B3GLCT: variants seen among roughly 807,000 people sequenced by gnomAD.
B3GLCT encodes beta-1,3-glucosyltransferase.
In B3GLCT, 65 loss-of-function variants were observed where a neutral mutation model predicts 63.4. The ratio of observed to expected loss-of-function variants is 1.03; its 90% CI spans 0.84 to 1.26. B3GLCT has a LOEUF of 1.26. Among genes scored for constraint, B3GLCT ranks in the 50% most tolerant of loss-of-function variants. B3GLCT has a pLI of 0.00. For synonymous variants in B3GLCT, 233 were observed against 219.2 expected (o/e 1.06, Z -0.55); for missense variants, 577 against 604.8 (o/e 0.95, Z 0.48).
At chr13:31,234,568 G>A (rs562938530) in intron 4 of B3GLCT, among the ~76,000 whole-genome samples, 1 of 152,276 alleles carries the variant, frequency 6.6e-6, no homozygotes, top group East Asian at 1.9e-4. Context: ...CCAGGTGAGA[G>A]GTGGAAGCAC....
At chr13:31,321,888 T>C (rs1245532044) in intron 13 of B3GLCT, among the ~76,000 whole-genome samples, 1 of 152,146 alleles carries the variant, frequency 6.6e-6, no homozygotes, top group Non-Finnish European at 1.5e-5. Context: ...AGGTGTTTGG[T>C]TATATGAATG....
chr13:31,215,464 A>C (rs146404553), intron 2 of B3GLCT, among the ~76,000 whole-genome samples: 21 of 152,172 alleles, frequency 1.4e-4, no homozygotes, highest in African/African-American at 4.3e-4. Context: ...CCCAGGCTGG[A>C]GTGCAGTGGC....
In B3GLCT at chr13:31,234,407, G is replaced by A. The variant is rs765460053; in HGVS notation, c.270+5113G>A. Reference sequence around the variant, plus strand: ...AGGGCCCCTACCATGGTGAAGTGGGGCAGGGGAGCTGAGGAGGGGATGTGA... The same window carrying A: ...AGGGCCCCTACCATGGTGAAGTGGGACAGGGGAGCTGAGGAGGGGATGTGA... On this transcript the variant is annotated intron_variant, in intron 4 of 14. Coordinates refer to ENST00000343307, the MANE Select transcript of B3GLCT (RefSeq NM_194318.4). Among the ~76,000 whole-genome samples, 6 of 152,194 alleles carry A rather than the reference G, an allele frequency of 3.9e-5. No individual in the cohort carries two copies. In the East Asian group the frequency reaches 9.6e-4, roughly 24 times the overall value.
At chr13:31,270,004 G>T (rs1167181107) in intron 8 of B3GLCT, among the ~76,000 whole-genome samples, 3 of 152,186 alleles carry the variant, frequency 2.0e-5, no homozygotes, top group Admixed American at 6.5e-5. Flanking sequence ...GTCTGTGCTT[G>T]GCTGTCTGGA....
intron 2 of B3GLCT, among the ~76,000 whole-genome samples, chr13:31,221,665 C>A (rs764685716): frequency 3.9e-5 from 6 of 152,196 alleles, no homozygotes; most frequent in Non-Finnish European, 7.3e-5. Context: ...CTCTCTTCCC[C>A]GAGTGTTGTC....
At chr13:31,274,165 G>C (rs1345105250) in intron 8 of B3GLCT, among the ~76,000 whole-genome samples, 1 of 152,176 alleles carries the variant, frequency 6.6e-6, no homozygotes, top group Non-Finnish European at 1.5e-5. Context: ...TTTGGGGTAT[G>C]TGATTACCAT....
chr13:31,309,111 G>A (rs1405072516), intron 12 of B3GLCT, among the ~76,000 whole-genome samples: 2 of 152,148 alleles, frequency 1.3e-5, no homozygotes, highest in Non-Finnish European at 1.5e-5. Context: ...TCATATCACA[G>A]GTGATTGTTT....
intron 6 of B3GLCT, among the ~76,000 whole-genome samples, chr13:31,259,632 A>G (rs1291837359): frequency 6.6e-6 from 1 of 151,314 alleles, no homozygotes; most frequent in East Asian, 2.0e-4. Context: ...CTTCTCTTTC[A>G]AGGTCTCCAG....
chr13:31,239,026 G>A (rs1174944109), intron 4 of B3GLCT, among the ~76,000 whole-genome samples: 1 of 152,224 alleles, frequency 6.6e-6, no homozygotes, highest in African/African-American at 2.4e-5. Flanking sequence ...AAATGAGCTG[G>A]AGGACATAGG....
intron 4 of B3GLCT, among the ~76,000 whole-genome samples, chr13:31,246,125 G>A (rs1163886333): frequency 6.6e-6 from 1 of 152,068 alleles, no homozygotes; most frequent in Non-Finnish European, 1.5e-5. Context: ...CAGATACTTA[G>A]GTACTTGTTC....
At chr13:31,200,410 C>T (rs1868586645) in intron 1 of B3GLCT, among the ~76,000 whole-genome samples, 1 of 149,960 alleles carries the variant, frequency 6.7e-6, no homozygotes, top group Non-Finnish European at 1.5e-5. Context: ...GCTGCCGCCC[C>T]GGCCCCAGAC....
At chr13:31,234,014 T>C (rs973420347) in intron 4 of B3GLCT, among the ~76,000 whole-genome samples, 3 of 151,228 alleles carry the variant, frequency 2.0e-5, no homozygotes, top group Admixed American at 1.3e-4. Flanking sequence ...TTTCTTTTTT[T>C]TTTTTCTTTT....
chr13:31,319,821 C>G (rs116791089), intron 13 of B3GLCT, among the ~76,000 whole-genome samples: 8 of 152,136 alleles, frequency 5.3e-5, no homozygotes, highest in Admixed American at 2.6e-4. Context: ...CATTTCTGAC[C>G]GTAACCCCTG....
chr13:31,308,702 G>A (rs914364511), intron 12 of B3GLCT, among the ~76,000 whole-genome samples: 9 of 152,148 alleles, frequency 5.9e-5, no homozygotes, highest in African/African-American at 2.2e-4. Context: ...TCCTCAAGAG[G>A]TGGATGATAC....
At chr13:31,263,983 G>C (rs999767844) in intron 7 of B3GLCT, among the ~76,000 whole-genome samples, 2 of 152,196 alleles carry the variant, frequency 1.3e-5, no homozygotes, top group African/African-American at 4.8e-5. Flanking sequence ...CTGGAGGCTG[G>C]AAGTCCAAGA....
chr13:31,247,727 A>C, intron 5 of B3GLCT, 128 bp from the exon 6 acceptor site: 2 of 570,120 alleles, frequency 3.5e-6, no homozygotes. Flanking sequence ...AGCTGAAGAA[A>C]AATATAGAGA....
intron 12 of B3GLCT, among the ~76,000 whole-genome samples, chr13:31,300,636 G>A (rs1186703749): frequency 6.6e-6 from 1 of 152,070 alleles, no homozygotes; most frequent in African/African-American, 2.4e-5. Context: ...CTTTGGTTGG[G>A]GACCACAGGA....
intron 10 of B3GLCT, among the ~76,000 whole-genome samples, chr13:31,281,930 C>T (rs937573250): frequency 4.6e-4 from 70 of 152,236 alleles, no homozygotes; most frequent in African/African-American, 1.7e-3. Flanking sequence ...TAGTGAGACA[C>T]ATCTTCTGCT....
chr13:31,260,889 T>C (rs1871991504), intron 6 of B3GLCT, 57 bp from the exon 7 acceptor site: 8 of 1,513,136 alleles, frequency 5.3e-6, no homozygotes, highest in Non-Finnish European at 6.4e-6. Flanking sequence ...CCACCTTCTA[T>C]TGGTCTTACA....
Sources: gnomAD v4.1 joint callset for allele counts (sites outside exome capture counted in the v4.1 genomes callset) on GRCh38, gnomAD v4.1.1 for gene constraint, MANE v1.5 for transcripts, NCBI Gene and HGNC (gene_info 2026-07-23, HGNC 2026-07-21) for gene names.